Variants in LINGO2 observed in about 807,000 individuals in gnomAD.
LINGO2 encodes the protein leucine-rich repeat and immunoglobulin-like domain-containing nogo receptor-interacting protein 2.
LINGO2 carries 14 observed loss-of-function variants against 30.6 expected under a neutral mutation model. The observed-to-expected ratio is 0.46, with a 90% CI of 0.30 to 0.72. LINGO2 has a LOEUF of 0.72. LINGO2 is among the 30% of genes least tolerant of loss of function. The pLI is 0.07. For synonymous variants in LINGO2, 317 were observed against 288.5 expected (o/e 1.10, Z -1.00); for missense variants, 729 against 751.7 (o/e 0.97, Z 0.35).
At chr9:28,038,324 T>A (rs1037395497) in intron 4 of LINGO2, among the ~76,000 whole-genome samples, 1 of 152,138 alleles carries the variant, frequency 6.6e-6, no homozygotes, top group African/African-American at 2.4e-5. Context: ...GGAAACTAAG[T>A]ATCTGAAGTA....
At chr9:28,635,563 C>T (rs796384262) in intron 1 of LINGO2, among the ~76,000 whole-genome samples, 24 of 151,978 alleles carry the variant, frequency 1.6e-4, no homozygotes, top group African/African-American at 5.8e-4. Flanking sequence ...GGGGAATCAG[C>T]ACATGGAGGT....
chr9:28,222,172 T>C lies in LINGO2; in HGVS notation c.-87+73036A>G, dbSNP rs553921997. Among the ~76,000 whole-genome samples the C allele has an allele frequency of 3.9e-5, 6 of 152,304 alleles. No individual in the cohort carries two copies. In the East Asian group the frequency reaches 1.2e-3, roughly 29 times the overall value. On this transcript the variant is annotated intron_variant, in intron 4 of 5. Coordinates refer to ENST00000379992, the Ensembl canonical transcript of LINGO2. The stretch of plus-strand genomic sequence containing the variant: ...TTGATTAATTATTCAACTGTAACAT[T>C]TGTAGAAGAAATATTTCCCATTCAG...
chr9:28,496,529 C>T (rs184986382), intron 1 of LINGO2, among the ~76,000 whole-genome samples: 10,070 of 147,326 alleles, frequency 0.068, 475 homozygotes, highest in Non-Finnish European at 0.092. Flanking sequence ...TCCTCCTTCC[C>T]TTTATTTTGA....
chr9:28,239,138 T>C (rs974604488), intron 4 of LINGO2, among the ~76,000 whole-genome samples: 2 of 151,800 alleles, frequency 1.3e-5, no homozygotes, highest in African/African-American at 4.8e-5. Context: ...TAAAATCAAA[T>C]CTGTAATAAA....
At chr9:28,673,796 G>C (rs914625447), upstream of LINGO2, among the ~76,000 whole-genome samples, 2 of 151,880 alleles carry the variant, frequency 1.3e-5, no homozygotes, top group Non-Finnish European at 2.9e-5. Flanking sequence ...ACAAGACTGA[G>C]AACAAAAACG....
intron 4 of LINGO2, among the ~76,000 whole-genome samples, chr9:28,212,667 C>T (rs546355358): frequency 6.6e-6 from 1 of 151,160 alleles, no homozygotes; most frequent in African/African-American, 2.4e-5. Context: ...CAGTAGCTTC[C>T]AGTTATAAGT....
At chr9:29,017,260 A>C in the LINGO2 span, among the ~76,000 whole-genome samples, 2 of 151,722 alleles carry the variant, frequency 1.3e-5, no homozygotes. Context: ...ATCCAGAGAA[A>C]ATCCATATAA....
chr9:27,952,617 T>G (rs558662617), intron 5 of LINGO2, among the ~76,000 whole-genome samples: 1 of 152,162 alleles, frequency 6.6e-6, no homozygotes, highest in East Asian at 1.9e-4. Flanking sequence ...AGTAAGGAAT[T>G]ATATCTAAAT....
At chr9:28,515,328 T>C (rs926529125) in intron 1 of LINGO2, among the ~76,000 whole-genome samples, 11 of 150,950 alleles carry the variant, frequency 7.3e-5, no homozygotes, top group Non-Finnish European at 1.6e-4. Flanking sequence ...TGCCTCAGCC[T>C]CCTGAGTAGC....
intron 1 of LINGO2, among the ~76,000 whole-genome samples, chr9:28,478,621 A>G (rs1473563503): frequency 7.9e-5 from 12 of 152,106 alleles, no homozygotes; most frequent in Admixed American, 7.9e-4. Context: ...TGTGTTTTCC[A>G]TGTGCAAAAA....
intron 4 of LINGO2, among the ~76,000 whole-genome samples, chr9:28,235,622 C>A (rs921243154): frequency 6.6e-6 from 1 of 152,070 alleles, no homozygotes; most frequent in East Asian, 1.9e-4. Flanking sequence ...CAGAATTCTA[C>A]CAGATAAATT....
the LINGO2 span, among the ~76,000 whole-genome samples, chr9:28,709,894 G>A: frequency 1.8e-4 from 27 of 151,806 alleles, no homozygotes; most frequent in Admixed American, 1.7e-3. Context: ...TTTATGAAGG[G>A]CTATTGCACC....
chr9:28,634,781 C>CG (rs1284373987), intron 1 of LINGO2, among the ~76,000 whole-genome samples: 1 of 152,090 alleles, frequency 6.6e-6, no homozygotes, highest in Non-Finnish European at 1.5e-5. Flanking sequence ...CCACCGCACC[C>CG]GGCCTCCCTA....
chr9:28,391,226 A>G (rs754463650), intron 2 of LINGO2, among the ~76,000 whole-genome samples: 2 of 152,198 alleles, frequency 1.3e-5, no homozygotes, highest in African/African-American at 4.8e-5. Context: ...TCAGCACCAC[A>G]CTGATTAAGA....
At chr9:29,191,988 G>A in the LINGO2 span, among the ~76,000 whole-genome samples, 1 of 151,744 alleles carries the variant, frequency 6.6e-6, no homozygotes, top group East Asian at 1.9e-4. Context: ...CACTAAAACA[G>A]AAGCAACATT....
chr9:28,198,548 T>C (rs944043360), intron 4 of LINGO2, among the ~76,000 whole-genome samples: 6 of 152,196 alleles, frequency 3.9e-5, no homozygotes, highest in African/African-American at 1.4e-4. Context: ...TATTTTGCTA[T>C]TCCTTTTCAT....
the LINGO2 span, among the ~76,000 whole-genome samples, chr9:29,085,839 T>A: frequency 0.47 from 72,156 of 151,912 alleles, 17,935 homozygotes; most frequent in African/African-American, 0.64. Context: ...AATGAGGTTG[T>A]GTAATTTGCC....
At chr9:28,635,325 C>A (rs1827210186) in intron 1 of LINGO2, among the ~76,000 whole-genome samples, 1 of 152,090 alleles carries the variant, frequency 6.6e-6, no homozygotes, top group South Asian at 2.1e-4. Flanking sequence ...TCTACCCTAA[C>A]TGTGATATTA....
At chr9:28,795,593 A>T in the LINGO2 span, among the ~76,000 whole-genome samples, 1 of 151,412 alleles carries the variant, frequency 6.6e-6, no homozygotes, top group Non-Finnish European at 1.5e-5. Flanking sequence ...TCATATATCC[A>T]TATATAGATA....
Sources: allele counts gnomAD v4.1 joint callset (sites outside exome capture counted in the v4.1 genomes callset), GRCh38; gene constraint gnomAD v4.1.1; transcripts MANE v1.5; gene names NCBI Gene and HGNC (gene_info 2026-07-23, HGNC 2026-07-21).